Variants in NEGR1 observed in about 807,000 individuals in gnomAD.
NEGR1 encodes the protein neuronal growth regulator 1.
NEGR1 carries 10 observed loss-of-function variants against 40.9 expected under a neutral mutation model. The observed-to-expected ratio is 0.24, with a 90% CI of 0.15 to 0.42. The LOEUF is 0.42. Among genes scored for constraint, NEGR1 ranks in the 10% least tolerant of loss-of-function variants. NEGR1 has a pLI of 1.00. For missense variants in NEGR1, 352 were observed against 438.9 expected (o/e 0.80, Z 1.77); for synonymous variants, 185 against 166.8 (o/e 1.11, Z -0.84).
At chr1:72,231,321 A>C (rs1654357019) in intron 1 of NEGR1, among the ~76,000 whole-genome samples, 1 of 152,040 alleles carries the variant, frequency 6.6e-6, no homozygotes, top group African/African-American at 2.4e-5. Context: ...TCCTCTATTA[A>C]TTATTTTGAT....
chr1:71,436,226 T>C (rs1646508511), intron 6 of NEGR1, among the ~76,000 whole-genome samples: 1 of 141,190 alleles, frequency 7.1e-6, no homozygotes, highest in African/African-American at 2.9e-5. Context: ...ATTGTGAATA[T>C]GGCAAAAAAA....
At chr1:71,695,993 C>T (rs1002107948) in intron 4 of NEGR1, among the ~76,000 whole-genome samples, 16 of 151,738 alleles carry the variant, frequency 1.1e-4, no homozygotes, top group Non-Finnish European at 2.9e-5. Context: ...CTTGTAGTAA[C>T]TGGGTCTTAA....
chr1:71,403,912 GA>G lies in NEGR1; in HGVS notation c.*3533del, dbSNP rs1646260667. Reference sequence around the variant, plus strand: ...CCATTTATTCATATTCATATCTATTGAAATACTGTACATCCACATACTTCAA... The same window carrying G: ...CCATTTATTCATATTCATATCTATTGAATACTGTACATCCACATACTTCAA... On this transcript the variant is annotated 3_prime_UTR_variant, in exon 7 of 7. Coordinates refer to ENST00000357731, the MANE Select transcript of NEGR1 (RefSeq NM_173808.3). 2.6e-6 allele frequency: 1 copy of G among 379,512 alleles called. No individual in the cohort carries two copies. Among genetic ancestry groups the G allele is most frequent in the Admixed American group, 4.6e-5 (1 of 21,914 alleles). The allele number at this position is 379,512 out of a possible 1,614,324, so 23.5% of individuals were successfully genotyped here.
At chr1:72,221,120 C>A (rs1489736690) in intron 1 of NEGR1, among the ~76,000 whole-genome samples, 1 of 152,046 alleles carries the variant, frequency 6.6e-6, no homozygotes, top group Non-Finnish European at 1.5e-5. Flanking sequence ...ATTCTCATAT[C>A]TTCCTATAGT....
chr1:72,201,019 A>T (rs1481227133), intron 1 of NEGR1, among the ~76,000 whole-genome samples: 1 of 151,840 alleles, frequency 6.6e-6, no homozygotes, highest in Non-Finnish European at 1.5e-5. Context: ...TGATTTAACA[A>T]AAGTTGTATT....
At chr1:71,579,557 A>G (rs773254842) in intron 6 of NEGR1, among the ~76,000 whole-genome samples, 11 of 151,692 alleles carry the variant, frequency 7.3e-5, no homozygotes, top group Non-Finnish European at 1.2e-4. Context: ...TAATACAACT[A>G]CTTAAGTTTT....
At chr1:71,992,112 T>C (rs187398070) in intron 1 of NEGR1, among the ~76,000 whole-genome samples, 2 of 152,188 alleles carry the variant, frequency 1.3e-5, no homozygotes, top group South Asian at 4.1e-4. Context: ...TACTATTAAA[T>C]ATATAACATC....
intron 3 of NEGR1, among the ~76,000 whole-genome samples, chr1:71,763,757 G>A (rs1406776449): frequency 6.6e-6 from 1 of 151,666 alleles, no homozygotes; most frequent in East Asian, 1.9e-4. Context: ...GTGTGTGTGT[G>A]TGTGTGTGTG....
At chr1:72,247,515 G>A (rs1654939601) in intron 1 of NEGR1, among the ~76,000 whole-genome samples, 1 of 152,064 alleles carries the variant, frequency 6.6e-6, no homozygotes, top group African/African-American at 2.4e-5. Context: ...CTAGGGCAGG[G>A]GCACAGTGCA....
chr1:71,869,071 T>G (rs933250955), intron 2 of NEGR1, among the ~76,000 whole-genome samples: 1 of 152,176 alleles, frequency 6.6e-6, no homozygotes, highest in Non-Finnish European at 1.5e-5. Context: ...CCAAAAACTA[T>G]AATTTGTTCA....
Position 71,407,576 on chromosome 1 carries a change from A to G in NEGR1, c.941-6T>C. 1 of 1,610,988 alleles carries G rather than the reference A, an allele frequency of 6.2e-7. No individual in the cohort carries two copies. Among genetic ancestry groups the G allele is most frequent in the Non-Finnish European group, 8.5e-7 (1 of 1,178,092 alleles). ...ATACTGGGCTGTACTTGGAGCTGGA[A>G]AGAAATGGAAAAGATTAAATCAAAA... On this transcript the variant is annotated splice_polypyrimidine_tract_variant and splice_region_variant and intron_variant, in intron 6 of 6. Transcript: ENST00000357731.
chr1:72,086,969 T>A (rs1557519574), intron 1 of NEGR1, among the ~76,000 whole-genome samples: 2 of 152,064 alleles, frequency 1.3e-5, no homozygotes, highest in Admixed American at 6.6e-5. Context: ...AAAAAACACA[T>A]GGTTAGAGAT....
At chr1:71,746,648 T>A (rs1001888638) in intron 3 of NEGR1, among the ~76,000 whole-genome samples, 114 of 152,042 alleles carry the variant, frequency 7.5e-4, no homozygotes, top group African/African-American at 2.7e-3. Flanking sequence ...TTCTTTTTTT[T>A]CTGCCACTTC....
intron 2 of NEGR1, among the ~76,000 whole-genome samples, chr1:71,911,083 A>T (rs943124259): frequency 1.3e-5 from 2 of 152,154 alleles, no homozygotes; most frequent in African/African-American, 4.8e-5. Flanking sequence ...GAGAAATGTA[A>T]TTCTATTTTT....
intron 2 of NEGR1, among the ~76,000 whole-genome samples, chr1:71,833,114 G>A (rs919561508): frequency 5.3e-5 from 8 of 151,946 alleles, no homozygotes; most frequent in South Asian, 2.1e-4. Context: ...GAAAAATTAC[G>A]TTTTCTTCAA....
At chr1:71,751,946 G>A (rs901111287) in intron 3 of NEGR1, among the ~76,000 whole-genome samples, 8 of 152,148 alleles carry the variant, frequency 5.3e-5, no homozygotes, top group African/African-American at 1.7e-4. Context: ...AGAATTTGCT[G>A]GAAATGTAGT....
At chr1:71,426,395 G>A (rs1021043609) in intron 6 of NEGR1, among the ~76,000 whole-genome samples, 10 of 152,080 alleles carry the variant, frequency 6.6e-5, no homozygotes, top group African/African-American at 2.4e-4. Context: ...ATGTAGATGA[G>A]GTAAAAAGGC....
rs145354058 is a variant in NEGR1 at position 71,675,126 on chromosome 1, T to TATACACAC, written c.667+22881_667+22882insGTGTGTAT. 1.6e-3 allele frequency among the ~76,000 whole-genome samples: 125 copies of TATACACAC among 77,840 alleles called. 6 individuals carry two copies. The highest frequency in any genetic ancestry group is 2.8e-3 in the Non-Finnish European group (104 of 36,880). The allele number at this position is 77,840 out of a possible 152,430, so 51.1% of individuals were successfully genotyped here. A position where few individuals can be genotyped will look rare whatever the true frequency, so the allele number is the denominator to read the frequency against. On this transcript the variant is annotated intron_variant, in intron 4 of 6. Transcript: ENST00000357731. ...GCATGTTTATTCATATATATATATA[T>TATACACAC]ACACACACACATATGAATTCTTAGA... is the stretch of plus-strand genomic sequence containing the variant.
At chr1:71,736,373 AT>A (rs1025053681) in intron 3 of NEGR1, among the ~76,000 whole-genome samples, 1 of 152,096 alleles carries the variant, frequency 6.6e-6, no homozygotes, top group Non-Finnish European at 1.5e-5. Flanking sequence ...ATATTTAGAG[AT>A]TTTGAAAATG....
Sources: gnomAD v4.1 joint callset for allele counts (sites outside exome capture counted in the v4.1 genomes callset) on GRCh38, gnomAD v4.1.1 for gene constraint, MANE v1.5 for transcripts, NCBI Gene and HGNC (gene_info 2026-07-23, HGNC 2026-07-21) for gene names.